GLYR1: variants seen among roughly 807,000 people sequenced by gnomAD.
The protein encoded by GLYR1 is glyoxylate reductase 1 homolog.
Under a neutral mutation model 72.7 loss-of-function variants are expected in GLYR1, and 21 were observed. The ratio of observed to expected loss-of-function variants is 0.29; its 90% CI spans 0.20 to 0.42. The LOEUF (loss-of-function observed/expected upper bound fraction) is 0.42, where lower values mean the gene tolerates loss of function less well. Among genes scored for constraint, GLYR1 ranks in the 10% least tolerant of loss-of-function variants. The probability of loss-of-function intolerance (pLI) is 1.00; values close to 1 mark genes in which losing one functional copy is unlikely to be tolerated. For missense variants in GLYR1, 594 were observed against 712.1 expected (o/e 0.83, Z 1.89); for synonymous variants, 392 against 270.2 (o/e 1.45, Z -4.42).
intron 7 of GLYR1, 48 bp downstream of exon 7, chr16:4,822,827 C>T: frequency 1.3e-6 from 2 of 1,525,644 alleles, no homozygotes; most frequent in South Asian, 2.2e-5. Flanking sequence ...GAGGAGCACT[C>T]CTTGGCCAGC....
chr16:4,832,442 G>T, intron 4 of GLYR1: 1 of 616,084 alleles, frequency 1.6e-6, no homozygotes, highest in Non-Finnish European at 2.8e-6. Context: ...TAGAAGAAAG[G>T]ATTTAAATCT....
chr16:4,822,243 T>C (rs1759380106), intron 7 of GLYR1, among the ~76,000 whole-genome samples: 1 of 152,188 alleles, frequency 6.6e-6, no homozygotes, highest in South Asian at 2.1e-4. Context: ...TGCACCACCA[T>C]GCCCAGCTAA....
intron 15 of GLYR1, among the ~76,000 whole-genome samples, chr16:4,809,683 G>C (rs563326517): frequency 6.6e-6 from 1 of 151,156 alleles, no homozygotes; most frequent in Non-Finnish European, 1.5e-5. Flanking sequence ...CAGCACTTTG[G>C]GAGGCTGAGG....
chr16:4,832,252 C>T (rs902501246), intron 4 of GLYR1, 31 bp from the exon 5 acceptor site: 1 of 1,610,964 alleles, frequency 6.2e-7, no homozygotes, highest in African/African-American at 1.3e-5. Flanking sequence ...ATGATAACTA[C>T]CACCACAGCT....
At chr16:4,822,437 C>A (rs529738822) in intron 7 of GLYR1, among the ~76,000 whole-genome samples, 1 of 152,040 alleles carries the variant, frequency 6.6e-6, no homozygotes, top group African/African-American at 2.4e-5. Context: ...GTTGCCCAGT[C>A]TGGAGTGCAG....
At chr16:4,828,530 C>A (rs1457073026) in intron 5 of GLYR1, among the ~76,000 whole-genome samples, 1 of 152,094 alleles carries the variant, frequency 6.6e-6, no homozygotes, top group East Asian at 1.9e-4. Flanking sequence ...CACTACTCCC[C>A]AGATTAATAA....
At chr16:4,805,665 A>C (rs2082924498) in intron 15 of GLYR1, among the ~76,000 whole-genome samples, 2 of 152,176 alleles carry the variant, frequency 1.3e-5, no homozygotes, top group Non-Finnish European at 1.5e-5. Context: ...AAAAGGTGAA[A>C]CCTCATCTCT....
intron 1 of GLYR1, 84 bp downstream of exon 1, chr16:4,847,144 G>A: frequency 5.4e-6 from 7 of 1,304,752 alleles, no homozygotes; most frequent in Admixed American, 4.0e-5. Context: ...GCATAAAAAG[G>A]CAGCTCCAGG....
At chr16:4,834,895 C>T (rs1043051014) in intron 3 of GLYR1, among the ~76,000 whole-genome samples, 41 of 152,164 alleles carry the variant, frequency 2.7e-4, no homozygotes, top group Admixed American at 5.9e-4. Flanking sequence ...GAACTGACTC[C>T]GTTCCCTCTC....
chr16:4,821,525 G>C, intron 8 of GLYR1, 22 bp downstream of exon 8: 1 of 1,613,498 alleles, frequency 6.2e-7, no homozygotes, highest in Non-Finnish European at 8.5e-7. Context: ...AATTAAAATG[G>C]GGAGGCATGG....
At chr16:4,808,682 CAA>C (rs2083142273) in intron 15 of GLYR1, among the ~76,000 whole-genome samples, 1 of 151,182 alleles carries the variant, frequency 6.6e-6, no homozygotes, top group Non-Finnish European at 1.5e-5. Flanking sequence ...TGCTGTTTCA[CAA>C]AGTGTCATTT....
At position 4,804,201 on chromosome 16, in the gene GLYR1, G is replaced by T. The variant is rs571995320; in HGVS notation, c.*1035C>A. On this transcript the variant is annotated 3_prime_UTR_variant, in exon 16 of 16. Coordinates refer to ENST00000321919, the MANE Select transcript of GLYR1 (RefSeq NM_032569.4). The stretch of plus-strand genomic sequence containing the variant: ...ATACTGTCTCCACGGGAGGAAGAGG[G>T]AGAGGAGGGAGGATGGAGAGCGGTG... The T allele has an allele frequency of 6.5e-6, 1 of 152,878 alleles. No individual in the cohort carries two copies. Among genetic ancestry groups the T allele is most frequent in the South Asian group, 2.1e-4 (1 of 4,836 alleles). The allele number at this position is 152,878 out of a possible 1,614,324, so 9.5% of individuals were successfully genotyped here. A position where few individuals can be genotyped will look rare whatever the true frequency, so the allele number is the denominator to read the frequency against.
At chr16:4,808,980 G>A (rs1240103292) in intron 15 of GLYR1, among the ~76,000 whole-genome samples, 1 of 152,020 alleles carries the variant, frequency 6.6e-6, no homozygotes. Context: ...TAAAAAAAGT[G>A]CACGTGTTAA....
chr16:4,814,485 A>G (rs1401668040), intron 11 of GLYR1, 52 bp downstream of exon 11: 1 of 1,406,436 alleles, frequency 7.1e-7, no homozygotes, highest in Non-Finnish European at 1.0e-6. Context: ...GAGGCCAGCC[A>G]GCAATCCTGG....
At chr16:4,841,318 T>C (rs766033666) in intron 3 of GLYR1, among the ~76,000 whole-genome samples, 3 of 151,794 alleles carry the variant, frequency 2.0e-5, no homozygotes, top group Non-Finnish European at 4.4e-5. Context: ...TCTAGTCTTT[T>C]AGCATTAAAA....
intron 9 of GLYR1, among the ~76,000 whole-genome samples, chr16:4,818,760 C>T (rs2083813966): frequency 6.6e-6 from 1 of 152,158 alleles, no homozygotes; most frequent in African/African-American, 2.4e-5. Context: ...ACAGAATGGG[C>T]CTTGCCTCTC....
chr16:4,823,131 C>T (rs1596344624), intron 6 of GLYR1, among the ~76,000 whole-genome samples, 200 bp from the exon 7 acceptor site: 1 of 152,212 alleles, frequency 6.6e-6, no homozygotes, highest in Admixed American at 6.5e-5. Context: ...GGAAAACTGG[C>T]TTTAAAGTGT....
intron 3 of GLYR1, among the ~76,000 whole-genome samples, chr16:4,834,295 C>CTTTTTTTTT (rs778256795): frequency 2.5e-5 from 3 of 118,348 alleles, no homozygotes; most frequent in African/African-American, 1.1e-4. Context: ...AGGCAAATTC[C>CTTTTTTTTT]TTTTTTTTTT....
intron 9 of GLYR1, among the ~76,000 whole-genome samples, chr16:4,819,167 TTTTA>T (rs770979178): frequency 9.9e-5 from 15 of 152,094 alleles, no homozygotes; most frequent in East Asian, 5.8e-4. Context: ...AGTTTTTAAT[TTTTA>T]TTTATTTATT....
Sources: allele counts gnomAD v4.1 joint callset (sites outside exome capture counted in the v4.1 genomes callset), GRCh38; gene constraint gnomAD v4.1.1; transcripts MANE v1.5; gene names NCBI Gene and HGNC (gene_info 2026-07-23, HGNC 2026-07-21).